The following PTH2R variants were observed in gnomAD, a reference collection of about 807,000 sequenced individuals.
PTH2R encodes the protein parathyroid hormone 2 receptor.
In PTH2R, 59 loss-of-function variants were observed where a neutral mutation model predicts 60.3. The ratio of observed to expected loss-of-function variants is 0.98; its 90% CI spans 0.79 to 1.22. The LOEUF (loss-of-function observed/expected upper bound fraction) is 1.22, where lower values mean the gene tolerates loss of function less well. PTH2R is among the 50% of genes most tolerant of loss of function. The probability of loss-of-function intolerance (pLI) is 0.00; values close to 1 mark genes in which losing one functional copy is unlikely to be tolerated. For missense variants in PTH2R, 749 were observed against 682.6 expected (o/e 1.10, Z -1.08); for synonymous variants, 256 against 243.8 (o/e 1.05, Z -0.47).
At chr2:208,397,577 G>A (rs1701235547) in intron 1 of PTH2R, among the ~76,000 whole-genome samples, 1 of 152,100 alleles carries the variant, frequency 6.6e-6, no homozygotes, top group Non-Finnish European at 1.5e-5. Flanking sequence ...GATAGAGGTG[G>A]GGGGGCTCTA....
intron 9 of PTH2R, among the ~76,000 whole-genome samples, chr2:208,480,453 A>T (rs1239212719): frequency 6.6e-6 from 1 of 152,174 alleles, no homozygotes; most frequent in Non-Finnish European, 1.5e-5. Context: ...TCAGACAGAA[A>T]GGGGCTTATT....
At chr2:208,359,996 G>T (rs1212353250) in exon 1 of PTH2R, 1 of 297,890 alleles carries the variant, frequency 3.4e-6, no homozygotes, top group Non-Finnish European at 6.8e-6. Flanking sequence ...TTGGGAGGCA[G>T]CCTGCTCTCC....
intron 1 of PTH2R, among the ~76,000 whole-genome samples, chr2:208,407,359 A>G (rs557296899): frequency 8.9e-4 from 136 of 152,338 alleles, no homozygotes; most frequent in Non-Finnish European, 1.5e-3. Context: ...GCATCCTGGC[A>G]TCCGCAAAGT....
Position 208,460,769 on chromosome 2 carries a change from T to C in PTH2R, c.981+808T>C, listed in dbSNP as rs80148531. On this transcript the variant is annotated intron_variant, in intron 9 of 12. Coordinates refer to ENST00000272847, the MANE Select transcript of PTH2R (RefSeq NM_005048.4). Reference sequence around the variant, plus strand: ...CTTGTGTTTTCCTGGTGTTCATGTATGTAATACATATTACAAGCATTTTAA... The same window carrying C: ...CTTGTGTTTTCCTGGTGTTCATGTACGTAATACATATTACAAGCATTTTAA... 9.7e-3 allele frequency among the ~76,000 whole-genome samples: 1,470 copies of C among 152,316 alleles called. 15 individuals carry two copies. Among genetic ancestry groups the C allele is most frequent in the Non-Finnish European group, 0.014 (974 of 68,012 alleles).
chr2:208,449,699 T>C (rs535790473), intron 7 of PTH2R, among the ~76,000 whole-genome samples: 10 of 152,304 alleles, frequency 6.6e-5, no homozygotes, highest in African/African-American at 2.4e-4. Flanking sequence ...CATATCATCA[T>C]TTTCATCTTT....
intron 1 of PTH2R, among the ~76,000 whole-genome samples, chr2:208,375,264 C>T (rs554416197): frequency 6.6e-6 from 1 of 152,000 alleles, no homozygotes; most frequent in East Asian, 1.9e-4. Flanking sequence ...AATGAATCCC[C>T]CCGTGAACCT....
rs189292327 is a variant in PTH2R at position 208,464,081 on chromosome 2, A to G, written c.981+4120A>G. ...TTTGTTAAACATTTTAGTATTCTCC[A>G]TTTTAGGTGTATCAGAAGGCTTTAC... is the stretch of plus-strand genomic sequence containing the variant. On this transcript the variant is annotated intron_variant, in intron 9 of 12. Coordinates refer to ENST00000272847, the MANE Select transcript of PTH2R (RefSeq NM_005048.4). Among the ~76,000 whole-genome samples, 10 of 152,290 alleles carry G rather than the reference A, an allele frequency of 6.6e-5. No homozygotes were observed. The East Asian group carries it at 1.5e-3, about 24-fold the overall frequency.
chr2:208,437,972 C>T, intron 4 of PTH2R, 91 bp downstream of exon 4: 3 of 1,466,118 alleles, frequency 2.0e-6, no homozygotes, highest in South Asian at 1.3e-5. Flanking sequence ...TGTATAAAAA[C>T]CCTCTTATTC....
At chr2:208,441,979 A>G (rs1359036660) in intron 4 of PTH2R, among the ~76,000 whole-genome samples, 1 of 152,204 alleles carries the variant, frequency 6.6e-6, no homozygotes, top group Non-Finnish European at 1.5e-5. Context: ...TTATACATGT[A>G]ACGATATCGA....
At chr2:208,369,891 T>C (rs7604977) in intron 1 of PTH2R, among the ~76,000 whole-genome samples, 149,730 of 152,114 alleles carry the variant, frequency 0.98, 73,747 homozygotes, top group East Asian at 1. Flanking sequence ...GTAATGAGAA[T>C]GCTTTTCCAA....
At chr2:208,407,247 C>T in intron 1 of PTH2R, 129 bp downstream of exon 1, 1 of 723,792 alleles carries the variant, frequency 1.4e-6, no homozygotes, top group Non-Finnish European at 2.0e-6. Context: ...CCCCGGCACG[C>T]ACCGAGGCGT....
At chr2:208,372,776 A>G (rs905832457) in intron 1 of PTH2R, among the ~76,000 whole-genome samples, 2 of 152,042 alleles carry the variant, frequency 1.3e-5, no homozygotes, top group East Asian at 1.9e-4. Context: ...CCCATCCCCA[A>G]TTTATACCCA....
rs1444403040 is a variant in PTH2R, at chr2:208,494,190, G to A, written c.*531G>A. 1 of 152,190 alleles carries A rather than the reference G, an allele frequency of 6.6e-6. No homozygotes were observed. Among genetic ancestry groups the A allele is most frequent in the African/African-American group, 2.4e-5 (1 of 41,446 alleles). The allele number at this position is 152,190 out of a possible 1,614,324, so 9.4% of individuals were successfully genotyped here. On this transcript the variant is annotated 3_prime_UTR_variant, in exon 13 of 13. Coordinates refer to ENST00000272847, the MANE Select transcript of PTH2R (RefSeq NM_005048.4). Reference sequence around the variant, plus strand: ...CTGGAAAATTAGTTGGCTGGACATTGATAAAATAATGCATTTATAACAATT... The same window carrying A: ...CTGGAAAATTAGTTGGCTGGACATTAATAAAATAATGCATTTATAACAATT...
intron 1 of PTH2R, among the ~76,000 whole-genome samples, chr2:208,422,335 T>C (rs950127307): frequency 2.2e-4 from 33 of 152,344 alleles, no homozygotes; most frequent in Admixed American, 1.9e-3. Flanking sequence ...AAATGTAATC[T>C]GGGCACCCAT....
chr2:208,377,367 G>A (rs895572675), intron 1 of PTH2R, among the ~76,000 whole-genome samples: 9 of 152,008 alleles, frequency 5.9e-5, no homozygotes, highest in South Asian at 4.2e-4. Context: ...ATCATGGCCC[G>A]TTCTCAATGA....
At chr2:208,435,583 C>T (rs1702058912) in intron 2 of PTH2R, among the ~76,000 whole-genome samples, 2 of 152,162 alleles carry the variant, frequency 1.3e-5, no homozygotes, top group African/African-American at 4.8e-5. Context: ...AGAAGGGGGC[C>T]AAGCAGCTTC....
intron 9 of PTH2R, chr2:208,466,436 T>A (rs994230313): frequency 6.6e-6 from 1 of 152,308 alleles, no homozygotes; most frequent in Non-Finnish European, 1.5e-5. Flanking sequence ...CACCAGATGC[T>A]AGGAGAAAAG....
At chr2:208,476,205 G>A (rs1559231322) in intron 9 of PTH2R, among the ~76,000 whole-genome samples, 1 of 152,144 alleles carries the variant, frequency 6.6e-6, no homozygotes, top group Non-Finnish European at 1.5e-5. Context: ...TCTTGGGTGA[G>A]TGATTCATTT....
At chr2:208,429,714 A>C (rs1701932118) in intron 2 of PTH2R, among the ~76,000 whole-genome samples, 1 of 152,180 alleles carries the variant, frequency 6.6e-6, no homozygotes, top group African/African-American at 2.4e-5. Flanking sequence ...TTGTGCAATC[A>C]GTCTCCAGAA....
Sources: gnomAD v4.1 joint callset for allele counts (sites outside exome capture counted in the v4.1 genomes callset) on GRCh38, gnomAD v4.1.1 for gene constraint, MANE v1.5 for transcripts, NCBI Gene and HGNC (gene_info 2026-07-23, HGNC 2026-07-21) for gene names.